Variants in PDE4D observed in about 807,000 individuals in gnomAD.
PDE4D encodes 3',5'-cyclic-AMP phosphodiesterase 4D.
Under a neutral mutation model 87.4 loss-of-function variants are expected in PDE4D, and 24 were observed. The observed-to-expected ratio is 0.27, with a 90% CI of 0.20 to 0.39. PDE4D has a LOEUF of 0.39. Ranked by LOEUF, PDE4D falls within the 10% of genes least tolerant of loss-of-function variation. The probability of loss-of-function intolerance (pLI) is 1.00; values close to 1 mark genes in which losing one functional copy is unlikely to be tolerated. For missense variants in PDE4D, 714 were observed against 1,041.0 expected, an observed-to-expected ratio of 0.69 and a Z score of 4.32; for synonymous variants, 384 against 383.2, an observed-to-expected ratio of 1.00 and a Z score of -0.02.
At chr5:59,167,619 A>G (rs1209735440) in intron 5 of PDE4D, among the ~76,000 whole-genome samples, 1 of 152,172 alleles carries the variant, frequency 6.6e-6, no homozygotes, top group Non-Finnish European at 1.5e-5. Flanking sequence ...GCTCTTTAGA[A>G]AAACAATCTC....
chr5:60,315,105 G>A (rs1010440312), intron 1 of PDE4D, among the ~76,000 whole-genome samples: 7 of 152,214 alleles, frequency 4.6e-5, no homozygotes, highest in Non-Finnish European at 8.8e-5. Flanking sequence ...CCCAACAACA[G>A]TGTAAAAGTG....
chr5:59,713,425 A>T (rs1335375591), intron 1 of PDE4D, among the ~76,000 whole-genome samples: 2 of 152,170 alleles, frequency 1.3e-5, no homozygotes, highest in African/African-American at 4.8e-5. Flanking sequence ...TGTAAAAGGT[A>T]TAACTACCGG....
intron 1 of PDE4D, among the ~76,000 whole-genome samples, chr5:59,799,678 C>G (rs1766898224): frequency 6.6e-6 from 1 of 152,126 alleles, no homozygotes; most frequent in Non-Finnish European, 1.5e-5. Flanking sequence ...TTTGCTTTGT[C>G]TTGCTGGGGA....
At chr5:59,551,326 T>C (rs1818081262) in intron 1 of PDE4D, among the ~76,000 whole-genome samples, 1 of 149,816 alleles carries the variant, frequency 6.7e-6, no homozygotes, top group Non-Finnish European at 1.5e-5. Flanking sequence ...AAATATTTAA[T>C]AAAATATATA....
intron 1 of PDE4D, among the ~76,000 whole-genome samples, chr5:59,798,312 C>T (rs139257001): frequency 1.6e-4 from 24 of 148,566 alleles, no homozygotes; most frequent in Admixed American, 3.4e-4. Flanking sequence ...GTGTATGAGA[C>T]GAAGAGCAAA....
chr5:59,931,172 T>C (rs1376154737), intron 3 of PDE4D, among the ~76,000 whole-genome samples: 1 of 152,242 alleles, frequency 6.6e-6, no homozygotes, highest in East Asian at 1.9e-4. Flanking sequence ...ATTTATCTTT[T>C]CCATTTTGTC....
At chr5:60,308,947 A>C (rs989234240) in intron 1 of PDE4D, among the ~76,000 whole-genome samples, 2 of 152,136 alleles carry the variant, frequency 1.3e-5, no homozygotes, top group Non-Finnish European at 2.9e-5. Flanking sequence ...CGAAAAATAT[A>C]AATTGGCAGA....
At chr5:60,370,797 G>T (rs1480299800) in intron 1 of PDE4D, among the ~76,000 whole-genome samples, 1 of 152,018 alleles carries the variant, frequency 6.6e-6, no homozygotes, top group Non-Finnish European at 1.5e-5. Flanking sequence ...ATGCCCACTT[G>T]TGTGTAAGAG....
intron 1 of PDE4D, among the ~76,000 whole-genome samples, chr5:59,578,490 A>G (rs1823535996): frequency 6.6e-6 from 1 of 152,202 alleles, no homozygotes; most frequent in African/African-American, 2.4e-5. Flanking sequence ...TACTTTGTGT[A>G]AATAATTTCT....
At chr5:59,850,660 A>G (rs1581414731) in intron 1 of PDE4D, among the ~76,000 whole-genome samples, 1 of 152,022 alleles carries the variant, frequency 6.6e-6, no homozygotes, top group African/African-American at 2.4e-5. Context: ...GACGCCAGAG[A>G]TGGTACAGAT....
chr5:60,360,847 G>A (rs886534297), intron 1 of PDE4D, among the ~76,000 whole-genome samples: 9 of 152,146 alleles, frequency 5.9e-5, no homozygotes, highest in Non-Finnish European at 1.2e-4. Context: ...GAGAATGAAT[G>A]GTGAGCTTCA....
chr5:59,466,376 C>T (rs1801582992), intron 1 of PDE4D, among the ~76,000 whole-genome samples: 1 of 152,184 alleles, frequency 6.6e-6, no homozygotes, highest in Non-Finnish European at 1.5e-5. Context: ...TCAGAAGACT[C>T]TTCACTGGGT....
chr5:59,233,103 T>A (rs1322242049), intron 1 of PDE4D, among the ~76,000 whole-genome samples: 1 of 152,152 alleles, frequency 6.6e-6, no homozygotes, highest in South Asian at 2.1e-4. Context: ...CAATGTGTGA[T>A]AGCAGAATAG....
intron 1 of PDE4D, among the ~76,000 whole-genome samples, chr5:59,752,733 A>T (rs534854315): frequency 2.0e-5 from 3 of 152,258 alleles, no homozygotes; most frequent in East Asian, 1.9e-4. Context: ...CCCCCACCAC[A>T]AAGCATCATT....
chr5:59,689,025 AG>A (rs1750423476), intron 1 of PDE4D, among the ~76,000 whole-genome samples: 1 of 152,226 alleles, frequency 6.6e-6, no homozygotes. Flanking sequence ...ACCAGGAAGA[AG>A]TTGAATCCCT....
chr5:59,299,491 C>T (rs753061193), intron 1 of PDE4D, among the ~76,000 whole-genome samples: 2 of 152,078 alleles, frequency 1.3e-5, no homozygotes, highest in Non-Finnish European at 2.9e-5. Context: ...ACTAATATTC[C>T]TTATATTGGG....
intron 1 of PDE4D, among the ~76,000 whole-genome samples, chr5:60,272,722 A>T (rs1750940606): frequency 1.3e-5 from 2 of 152,236 alleles, no homozygotes; most frequent in African/African-American, 4.8e-5. Context: ...AAACCTAGAA[A>T]AAAAGAACTG....
At chr5:60,307,647 C>A (rs1001830197) in intron 1 of PDE4D, among the ~76,000 whole-genome samples, 4 of 151,990 alleles carry the variant, frequency 2.6e-5, no homozygotes, top group Non-Finnish European at 5.9e-5. Flanking sequence ...CTAGTCAGCC[C>A]TTTCTTCCCC....
At chr5:60,358,898 A>G (rs1583517866) in intron 1 of PDE4D, among the ~76,000 whole-genome samples, 1 of 152,362 alleles carries the variant, frequency 6.6e-6, no homozygotes, top group East Asian at 1.9e-4. Context: ...GTAGAAGGAC[A>G]AACAGAAGCA....
Sources: allele counts gnomAD v4.1 joint callset (sites outside exome capture counted in the v4.1 genomes callset), GRCh38; gene constraint gnomAD v4.1.1; transcripts MANE v1.5; gene names NCBI Gene and HGNC (gene_info 2026-07-23, HGNC 2026-07-21).